Variants in CDH20 observed in about 807,000 individuals in gnomAD.
CDH20 encodes cadherin-20.
CDH20 carries 29 observed loss-of-function variants against 74.2 expected under a neutral mutation model. That is an observed-to-expected ratio of 0.39 (90% CI 0.29 to 0.53). The LOEUF is 0.53. Ranked by LOEUF, CDH20 falls within the 20% of genes least tolerant of loss-of-function variation. CDH20 has a pLI of 0.69. For missense variants in CDH20, 988 were observed against 1,048.3 expected (o/e 0.94, Z 0.79); for synonymous variants, 469 against 405.4 (o/e 1.16, Z -1.88).
intron 1 of CDH20, among the ~76,000 whole-genome samples, chr18:61,362,516 T>C (rs1910727945): frequency 6.6e-6 from 1 of 152,184 alleles, no homozygotes; most frequent in Non-Finnish European, 1.5e-5. Context: ...CTCCTGCAGC[T>C]TGCATTTTAG....
Position 61,554,771 on chromosome 18 carries a change from C to G in CDH20, c.*76C>G. On this transcript the variant is annotated 3_prime_UTR_variant, in exon 12 of 12. Coordinates refer to ENST00000262717, the MANE Select transcript of CDH20 (RefSeq NM_031891.4). ...GCTTCGCGGACAAGGTGCAGCCAAC[C>G]ACACGAGCAATACTGTGCTGGAGAG... 6.8e-7 allele frequency: 1 copy of G among 1,473,848 alleles called. No individual in the cohort carries two copies. The highest frequency in any genetic ancestry group is 1.4e-5 in the African/African-American group (1 of 71,908). 91.3% of individuals were successfully genotyped at this position (1,473,848 alleles called of 1,614,324 possible).
chr18:61,505,816 G>A (rs976396307), intron 5 of CDH20, among the ~76,000 whole-genome samples: 54 of 152,114 alleles, frequency 3.5e-4, no homozygotes, highest in Admixed American at 3.3e-3. Flanking sequence ...ACACGTTATC[G>A]CTGCTTCCTC....
intron 1 of CDH20, among the ~76,000 whole-genome samples, chr18:61,392,272 C>A (rs1911813267): frequency 6.6e-6 from 1 of 151,618 alleles, no homozygotes; most frequent in Non-Finnish European, 1.5e-5. Context: ...CACATTGTGC[C>A]CATTAATGCC....
intron 2 of CDH20, among the ~76,000 whole-genome samples, chr18:61,498,002 C>T (rs963341027): frequency 1.3e-5 from 2 of 152,190 alleles, no homozygotes; most frequent in East Asian, 3.9e-4. Flanking sequence ...TCTTGCCACC[C>T]ATACATACTA....
intron 1 of CDH20, among the ~76,000 whole-genome samples, chr18:61,388,845 G>A (rs1599052414): frequency 6.6e-6 from 1 of 152,100 alleles, no homozygotes; most frequent in East Asian, 1.9e-4. Context: ...CCATCTACTA[G>A]GCAAGAAATT....
chr18:61,407,189 G>A (rs1912358610), intron 1 of CDH20, among the ~76,000 whole-genome samples: 1 of 152,156 alleles, frequency 6.6e-6, no homozygotes, highest in Non-Finnish European at 1.5e-5. Flanking sequence ...AGACAGTTTT[G>A]CAACTTGGAG....
chr18:61,465,499 T>C (rs79669697), intron 1 of CDH20, among the ~76,000 whole-genome samples: 1,709 of 152,270 alleles, frequency 0.011, 30 homozygotes, highest in African/African-American at 0.038. Flanking sequence ...TTTTTAGAGT[T>C]ACCAGATTTG....
Position 61,550,240 on chromosome 18 carries a change from G to T in CDH20, c.1900+11G>T. 1.9e-6 allele frequency: 3 copies of T among 1,608,886 alleles called. No homozygotes were observed. The highest frequency in any genetic ancestry group is 2.6e-6 in the Non-Finnish European group (3 of 1,176,456). On this transcript the variant is annotated intron_variant, in intron 11 of 11. Transcript: ENST00000262717. ...TCTTTGTCCTCTTAGGTGAGTAAGGGGCTGCTTTCCCTTCTGTGGAGTCCT... is the reference window on the plus strand; with the variant it reads ...TCTTTGTCCTCTTAGGTGAGTAAGGTGCTGCTTTCCCTTCTGTGGAGTCCT...
At chr18:61,440,544 C>T (rs1225443830) in intron 1 of CDH20, among the ~76,000 whole-genome samples, 5 of 152,130 alleles carry the variant, frequency 3.3e-5, no homozygotes, top group Admixed American at 6.6e-5. Flanking sequence ...TAAAACAACA[C>T]CCACTGATAA....
chr18:61,405,758 A>G (rs1326922495), intron 1 of CDH20, among the ~76,000 whole-genome samples: 1 of 152,212 alleles, frequency 6.6e-6, no homozygotes, highest in Non-Finnish European at 1.5e-5. Flanking sequence ...CCCAAGGCCT[A>G]CAGAATCTGA....
chr18:61,339,468 T>A (rs2144086415), intron 1 of CDH20, among the ~76,000 whole-genome samples: 1 of 151,794 alleles, frequency 6.6e-6, no homozygotes, highest in Middle Eastern at 3.4e-3. Flanking sequence ...CCATAGATAA[T>A]AATTTTTCAA....
intron 1 of CDH20, among the ~76,000 whole-genome samples, chr18:61,469,164 G>A (rs1000220749): frequency 5.9e-5 from 9 of 152,152 alleles, no homozygotes; most frequent in Non-Finnish European, 1.3e-4. Flanking sequence ...TGCTATGTTT[G>A]TTTCATGTCA....
intron 9 of CDH20, among the ~76,000 whole-genome samples, chr18:61,543,689 A>G (rs531701584): frequency 6.6e-6 from 1 of 152,242 alleles, no homozygotes; most frequent in South Asian, 2.1e-4. Context: ...ATCCTGTGCT[A>G]TCTTTGCTAG....
chr18:61,499,820 C>T (rs1237459292), intron 3 of CDH20, among the ~76,000 whole-genome samples: 4 of 152,182 alleles, frequency 2.6e-5, no homozygotes, highest in East Asian at 3.9e-4. Flanking sequence ...TAGGGTTAGG[C>T]GCGGTGGCTC....
At chr18:61,348,514 C>G (rs1225216809) in intron 1 of CDH20, among the ~76,000 whole-genome samples, 2 of 152,190 alleles carry the variant, frequency 1.3e-5, no homozygotes, top group African/African-American at 4.8e-5. Context: ...TGGCAGAGTT[C>G]TCCATTCTGA....
intron 1 of CDH20, among the ~76,000 whole-genome samples, chr18:61,378,176 A>T (rs1911310130): frequency 6.6e-6 from 1 of 152,206 alleles, no homozygotes; most frequent in Admixed American, 6.5e-5. Context: ...ATTAAATTTT[A>T]ATATAATAGG....
chr18:61,489,846 G>A (rs1599120294), intron 1 of CDH20, among the ~76,000 whole-genome samples: 1 of 152,112 alleles, frequency 6.6e-6, no homozygotes, highest in East Asian at 1.9e-4. Flanking sequence ...ATTAAAGTCA[G>A]AAGTGAGCCC....
At chr18:61,359,372 G>T (rs1374779867) in intron 1 of CDH20, among the ~76,000 whole-genome samples, 1 of 148,512 alleles carries the variant, frequency 6.7e-6, no homozygotes, top group African/African-American at 2.5e-5. Context: ...AAAAAGCTAG[G>T]TGAGCAGCAG....
In CDH20 at chr18:61,550,025, G is replaced by A. The variant is rs1913377087; in HGVS notation, c.1696G>A (p.Glu566Lys). 1.2e-5 allele frequency: 19 copies of A among 1,614,086 alleles called. No homozygotes were observed. Among genetic ancestry groups the A allele is most frequent in the African/African-American group, 2.7e-5 (2 of 74,930 alleles). Residue 566 changes from glutamate to lysine, a missense_variant, in exon 11 of 12, where the codon GAG (glutamate) becomes AAG (lysine). Coordinates refer to ENST00000262717, the MANE Select transcript of CDH20 (RefSeq NM_031891.4). ...LTRRSGFRQQ[E>K]QSVFHLPILI... ...CAGGAGGTCTGGTTTCCGGCAGCAG[G>A]AGCAGAGTGTCTTTCACCTGCCTAT... is the stretch of plus-strand genomic sequence containing the variant.
Sources: allele counts gnomAD v4.1 joint callset (sites outside exome capture counted in the v4.1 genomes callset), GRCh38; gene constraint gnomAD v4.1.1; transcripts MANE v1.5; gene names NCBI Gene and HGNC (gene_info 2026-07-23, HGNC 2026-07-21).